The following RBFOX3 variants were observed in gnomAD, a reference collection of about 807,000 sequenced individuals.
RBFOX3 encodes RNA binding protein fox-1 homolog 3.
A neutral mutation model predicts 48.7 loss-of-function variants in RBFOX3; 17 were observed. That is an observed-to-expected ratio of 0.35 (90% CI 0.24 to 0.52). The LOEUF (loss-of-function observed/expected upper bound fraction) is 0.52. RBFOX3 is among the 20% of genes least tolerant of loss of function. The pLI is 0.94. For missense variants in RBFOX3, 382 were observed against 497.5 expected (o/e 0.77, Z 2.21); for synonymous variants, 212 against 209.5 (o/e 1.01, Z -0.10).
intron 4 of RBFOX3, among the ~76,000 whole-genome samples, chr17:79,209,215 C>A (rs2058013645): frequency 6.6e-6 from 1 of 152,238 alleles, no homozygotes. Flanking sequence ...AGCCCTCCTG[C>A]ACAAGGCCTT....
intron 1 of RBFOX3, among the ~76,000 whole-genome samples, chr17:79,485,482 T>TCCCTCCCCAGCACAG (rs2079437300): frequency 6.6e-6 from 1 of 152,090 alleles, no homozygotes; most frequent in African/African-American, 2.4e-5. Context: ...CAGAAATCTT[T>TCCCTCCCCAGCACAG]AAGTGTCATG....
At chr17:79,158,250 C>T (rs916315940) in intron 4 of RBFOX3, among the ~76,000 whole-genome samples, 4 of 152,214 alleles carry the variant, frequency 2.6e-5, no homozygotes, top group Admixed American at 6.5e-5. Context: ...CAGAACTGCG[C>T]GAGGAGAAAC....
intron 1 of RBFOX3, among the ~76,000 whole-genome samples, chr17:79,530,486 C>T (rs1377925765): frequency 2.6e-5 from 4 of 152,188 alleles, no homozygotes; most frequent in Admixed American, 6.5e-5. Flanking sequence ...ACAGCTCACC[C>T]GGGGCCAACT....
At chr17:79,359,849 C>T (rs567317843) in intron 2 of RBFOX3, among the ~76,000 whole-genome samples, 3 of 152,168 alleles carry the variant, frequency 2.0e-5, no homozygotes, top group African/African-American at 7.2e-5. Flanking sequence ...CCTCAGCCTC[C>T]TGAGCAGCAA....
At chr17:79,191,704 G>A (rs926919223) in intron 4 of RBFOX3, among the ~76,000 whole-genome samples, 1 of 152,210 alleles carries the variant, frequency 6.6e-6, no homozygotes, top group Non-Finnish European at 1.5e-5. Flanking sequence ...CTTGTCCCAG[G>A]ACTCAAGGGA....
chr17:79,569,592 G>C (rs1260663680), intron 1 of RBFOX3, among the ~76,000 whole-genome samples: 3 of 152,206 alleles, frequency 2.0e-5, no homozygotes, highest in Non-Finnish European at 4.4e-5. Flanking sequence ...TATGTCAGTA[G>C]ATTTCTTTAA....
At chr17:79,170,681 C>T (rs374739570) in intron 4 of RBFOX3, among the ~76,000 whole-genome samples, 61 of 152,260 alleles carry the variant, frequency 4.0e-4, no homozygotes, top group African/African-American at 1.3e-3. Context: ...ACCCCTGTTC[C>T]GGCCGCCCCT....
At chr17:79,101,724 G>T in intron 8 of RBFOX3, 80 bp from the exon 9 acceptor site, 1 of 1,281,960 alleles carries the variant, frequency 7.8e-7, no homozygotes, top group Non-Finnish European at 1.1e-6. Flanking sequence ...TCCCCGCCCT[G>T]CTCCGTTAGC....
At chr17:79,155,412 G>A (rs1047048197) in intron 4 of RBFOX3, among the ~76,000 whole-genome samples, 1 of 152,274 alleles carries the variant, frequency 6.6e-6, no homozygotes, top group Admixed American at 6.5e-5. Context: ...GGAGGTCCGG[G>A]GCGGCAGGCT....
intron 1 of RBFOX3, among the ~76,000 whole-genome samples, chr17:79,561,656 C>G (rs2092227028): frequency 6.6e-6 from 1 of 152,210 alleles, no homozygotes; most frequent in Non-Finnish European, 1.5e-5. Context: ...CACCACCCAG[C>G]TGGGCACTGA....
rs1343063154 is a variant in RBFOX3 at position 79,482,285 on chromosome 17, C to T, written c.-175+169G>A. ...ACCTTCTTGGGCGTCCGTCGATGTT[C>T]CCCCTCCTACTCCACAAAGACACCA... On this transcript the variant is annotated intron_variant, in intron 2 of 14. Coordinates refer to ENST00000693108, the MANE Select transcript of RBFOX3 (RefSeq NM_001350451.2). The surrounding 1 kb of genome is among the most constrained non-coding windows in gnomAD (Gnocchi z 4.1). 5.3e-5 allele frequency among the ~76,000 whole-genome samples: 8 copies of T among 152,124 alleles called. No homozygotes were observed. Among genetic ancestry groups the T allele is most frequent in the Admixed American group, 5.2e-4 (8 of 15,280 alleles).
chr17:79,504,039 TGCTCC>T (rs2082737831), intron 1 of RBFOX3, among the ~76,000 whole-genome samples: 1 of 151,834 alleles, frequency 6.6e-6, no homozygotes, highest in Non-Finnish European at 1.5e-5. Flanking sequence ...GGTGGCAGGG[TGCTCC>T]AGGTGGCAGG....
rs2066283838 is a variant in RBFOX3 at position 79,421,077 on chromosome 17, C to G, written c.-175+61377G>C. 6.6e-6 allele frequency among the ~76,000 whole-genome samples: 1 copy of G among 152,044 alleles called. No individual in the cohort carries two copies. Among genetic ancestry groups the G allele is most frequent in the African/African-American group, 2.4e-5 (1 of 41,428 alleles). On this transcript the variant is annotated intron_variant, in intron 2 of 14. Transcript: ENST00000693108. The surrounding 1 kb of genome is among the most constrained non-coding windows in gnomAD (Gnocchi z 4.5). Reference sequence around the variant, plus strand: ...CCTCCCCAGGTGGGTCGAGGGCCTTCCCTGCTGGGTGAGCCTCCCCAGGTG... The same window carrying G: ...CCTCCCCAGGTGGGTCGAGGGCCTTGCCTGCTGGGTGAGCCTCCCCAGGTG...
chr17:79,477,516 A>G lies in RBFOX3; in HGVS notation c.-175+4938T>C, dbSNP rs2078083354. 6.6e-6 allele frequency among the ~76,000 whole-genome samples: 1 copy of G among 151,958 alleles called. No homozygotes were observed. The highest frequency in any genetic ancestry group is 1.5e-5 in the Non-Finnish European group (1 of 67,980). ...GTTTGCAGTGAGCTGAGATCGCCCC[A>G]TCGCACTCCAGCCTGGGCGACAGAG... On this transcript the variant is annotated intron_variant, in intron 2 of 14. Coordinates refer to ENST00000693108, the MANE Select transcript of RBFOX3 (RefSeq NM_001350451.2). The surrounding 1 kb of genome is among the most constrained non-coding windows in gnomAD (Gnocchi z 4.8).
At chr17:79,570,898 G>T (rs2092653586) in intron 1 of RBFOX3, among the ~76,000 whole-genome samples, 1 of 152,170 alleles carries the variant, frequency 6.6e-6, no homozygotes, top group African/African-American at 2.4e-5. Context: ...AGAATGTCAT[G>T]TCTCAGGAAG....
chr17:79,101,962 G>A (rs768677190), intron 8 of RBFOX3, among the ~76,000 whole-genome samples: 3 of 152,196 alleles, frequency 2.0e-5, no homozygotes, highest in Non-Finnish European at 2.9e-5. Flanking sequence ...TCCACAGAGT[G>A]CTCTCTGACC....
chr17:79,490,228 T>C (rs1424588190), intron 1 of RBFOX3, among the ~76,000 whole-genome samples: 1 of 152,252 alleles, frequency 6.6e-6, no homozygotes, highest in Non-Finnish European at 1.5e-5. Flanking sequence ...GTTTTAATAA[T>C]ACAGTGTACC....
intron 4 of RBFOX3, among the ~76,000 whole-genome samples, chr17:79,178,976 C>T (rs576406658): frequency 6.6e-6 from 1 of 152,320 alleles, no homozygotes; most frequent in South Asian, 2.1e-4. Flanking sequence ...CTCCGCTGGC[C>T]AGTGGTGGGA....
intron 2 of RBFOX3, among the ~76,000 whole-genome samples, chr17:79,325,303 A>T (rs1328667706): frequency 2.6e-5 from 4 of 152,142 alleles, no homozygotes; most frequent in Non-Finnish European, 5.9e-5. Flanking sequence ...CCTTCCCTGG[A>T]GATGAGGAGT....
Sources: gnomAD v4.1 joint callset for allele counts (sites outside exome capture counted in the v4.1 genomes callset) on GRCh38, gnomAD v4.1.1 for gene constraint, Gnocchi (gnomAD v3.1) non-coding constraint, MANE v1.5 for transcripts, NCBI Gene and HGNC (gene_info 2026-07-23, HGNC 2026-07-21) for gene names.